MTHFS: variants seen among roughly 807,000 people sequenced by gnomAD.
MTHFS encodes the protein methenyltetrahydrofolate synthetase.
In MTHFS, 7 loss-of-function variants were observed where a neutral mutation model predicts 12.7. That is an observed-to-expected ratio of 0.55 (90% confidence interval 0.31 to 1.03). MTHFS has a LOEUF of 1.03. Among genes scored for constraint, MTHFS ranks in the 50% least tolerant of loss-of-function variants. The pLI, the probability that MTHFS is intolerant of heterozygous loss-of-function variation, is 0.05. For synonymous variants in MTHFS, 100 were observed against 97.1 expected (o/e 1.03, Z -0.18); for missense variants, 252 against 258.1 (o/e 0.98, Z 0.16).
At chr15:79,886,294 C>T (rs2141374227) in intron 2 of MTHFS, among the ~76,000 whole-genome samples, 1 of 152,340 alleles carries the variant, frequency 6.6e-6, no homozygotes, top group African/African-American at 2.4e-5. Flanking sequence ...GAAGTTGTCA[C>T]ATTTTAAGTT....
intron 2 of MTHFS, among the ~76,000 whole-genome samples, chr15:79,858,832 T>C (rs886287444): frequency 1.3e-5 from 2 of 152,184 alleles, no homozygotes; most frequent in African/African-American, 2.4e-5. Context: ...CTTAAGAAAA[T>C]TGTGAAGAAA....
At chr15:79,851,144 C>T (rs1244202345) in intron 2 of MTHFS, among the ~76,000 whole-genome samples, 1 of 152,168 alleles carries the variant, frequency 6.6e-6, no homozygotes, top group Non-Finnish European at 1.5e-5. Context: ...GGGTTTTCTA[C>T]TCTTTTTGTT....
At chr15:79,856,061 A>G (rs2033796283) in intron 2 of MTHFS, among the ~76,000 whole-genome samples, 1 of 152,158 alleles carries the variant, frequency 6.6e-6, no homozygotes, top group African/African-American at 2.4e-5. Flanking sequence ...TCGAATGGTA[A>G]TTCTGTCTTT....
Position 79,896,940 on chromosome 15 carries a change from G to T in MTHFS, c.49C>A (p.Leu17Met). The T allele has an allele frequency of 6.5e-7, 1 of 1,539,114 alleles. No individual in the cohort carries two copies. ...CTCATCGCCCGCAGACGCTGCTTCA[G>T]CTCTCCCCGCAGGCTCCGCTTGGCG... The part of the protein sequence containing the change: ...SSAKRSLRGE[L>M]KQRLRAMSAE... The change falls in exon 1 of 3, where the codon CTG becomes ATG. Residue 17 changes from leucine to methionine, a missense_variant. Leu to Met is a conservative substitution (Grantham distance 15, BLOSUM62 2). Transcript: ENST00000258874.
intron 2 of MTHFS, among the ~76,000 whole-genome samples, chr15:79,866,046 G>A: frequency 6.8e-6 from 1 of 146,364 alleles, no homozygotes; most frequent in African/African-American, 2.5e-5. Context: ...AATTTTATAA[G>A]TTTTTTTTTT....
At chr15:79,860,046 T>C (rs914414533) in intron 2 of MTHFS, among the ~76,000 whole-genome samples, 3 of 152,076 alleles carry the variant, frequency 2.0e-5, no homozygotes, top group East Asian at 1.9e-4. Context: ...TTTTAAAACA[T>C]CTGTATCCTC....
chr15:79,873,905 AG>A (rs2034146668), intron 2 of MTHFS, among the ~76,000 whole-genome samples: 1 of 152,242 alleles, frequency 6.6e-6, no homozygotes, highest in Non-Finnish European at 1.5e-5. Context: ...CTAAAATAAG[AG>A]GTCCATAGAA....
intron 2 of MTHFS, among the ~76,000 whole-genome samples, chr15:79,878,415 T>C (rs1215371547): frequency 6.6e-6 from 1 of 150,988 alleles, no homozygotes; most frequent in Non-Finnish European, 1.5e-5. Flanking sequence ...AAAGCAAGGA[T>C]ACAGAGGCAA....
rs115749804 is a variant in MTHFS at position 79,854,878 on chromosome 15, A to G, written c.380-9436T>C. On this transcript the variant is annotated intron_variant, in intron 2 of 2. Coordinates refer to ENST00000258874, the MANE Select transcript of MTHFS (RefSeq NM_006441.4). Reference sequence around the variant, plus strand: ...ATCACCATCACCATAAACAACTACAATTGTATATGAAAGAAGCAAGCTAGG... The same window carrying G: ...ATCACCATCACCATAAACAACTACAGTTGTATATGAAAGAAGCAAGCTAGG... Among the ~76,000 whole-genome samples, 519 of 152,316 alleles carry G rather than the reference A, an allele frequency of 3.4e-3. 2 individuals carry two copies. Among genetic ancestry groups the G allele is most frequent in the African/African-American group, 0.012 (502 of 41,574 alleles).
At chr15:79,889,912 C>T (rs1160710869) in intron 1 of MTHFS, among the ~76,000 whole-genome samples, 1 of 152,124 alleles carries the variant, frequency 6.6e-6, no homozygotes, top group Non-Finnish European at 1.5e-5. Context: ...GAGTGGGTCA[C>T]TAATTGTTTC....
At chr15:79,889,486 C>A in intron 1 of MTHFS, 132 bp from the exon 2 acceptor site, 1 of 1,347,884 alleles carries the variant, frequency 7.4e-7, no homozygotes, top group Non-Finnish European at 9.8e-7. Flanking sequence ...GGGGGGGGAC[C>A]AGAGTGATAT....
At chr15:79,884,614 A>G (rs545793793) in intron 2 of MTHFS, among the ~76,000 whole-genome samples, 1 of 152,244 alleles carries the variant, frequency 6.6e-6, no homozygotes, top group Non-Finnish European at 1.5e-5. Flanking sequence ...AAAACATTAC[A>G]AAGAAAAACC....
intron 1 of MTHFS, chr15:79,896,643 T>A (rs2034574965): frequency 6.7e-6 from 5 of 747,550 alleles, no homozygotes; most frequent in Non-Finnish European, 1.0e-5. Context: ...CTCTCGCTCT[T>A]TAGCCCCACA....
Position 79,849,402 on chromosome 15 carries a change from C to A in MTHFS, c.380-3960G>T, listed in dbSNP as rs1169589751. On this transcript the variant is annotated intron_variant, in intron 2 of 2. Coordinates refer to ENST00000258874, the MANE Select transcript of MTHFS (RefSeq NM_006441.4). ...ATGCATCACCCACCCCACACACACC[C>A]CTGGGGCTCCTCACACTTTGGGAAC... Among the ~76,000 whole-genome samples the A allele has an allele frequency of 5.3e-5, 8 of 152,152 alleles. No individual in the cohort carries two copies. In the South Asian group the frequency reaches 1.0e-3, roughly 20 times the overall value.
chr15:79,871,295 A>G (rs573361032), intron 2 of MTHFS, among the ~76,000 whole-genome samples: 2 of 152,320 alleles, frequency 1.3e-5, no homozygotes, highest in East Asian at 3.9e-4. Flanking sequence ...ATGAAGTACT[A>G]GAGGGAAAAA....
At chr15:79,878,566 G>A (rs1212313016) in intron 2 of MTHFS, among the ~76,000 whole-genome samples, 2 of 149,572 alleles carry the variant, frequency 1.3e-5, no homozygotes, top group Admixed American at 1.3e-4. Context: ...TGGTGCCCAG[G>A]TGGCCGTATC....
chr15:79,885,941 C>A (rs12438477), intron 2 of MTHFS, among the ~76,000 whole-genome samples: 63,963 of 152,084 alleles, frequency 0.42, 13,815 homozygotes, highest in East Asian at 0.54. Context: ...TGCTTAAGCC[C>A]GGTTGAATCA....
chr15:79,871,633 A>T (rs2034107650), intron 2 of MTHFS, among the ~76,000 whole-genome samples: 1 of 152,016 alleles, frequency 6.6e-6, no homozygotes, highest in Non-Finnish European at 1.5e-5. Flanking sequence ...TAAAAAAATT[A>T]TACAAATATT....
chr15:79,870,302 T>A (rs28626203), intron 2 of MTHFS, among the ~76,000 whole-genome samples: 6,241 of 152,278 alleles, frequency 0.041, 353 homozygotes, highest in East Asian at 0.26. Context: ...TGGAACACTG[T>A]CTGTTTTGGT....
Sources: gnomAD v4.1 joint callset for allele counts (sites outside exome capture counted in the v4.1 genomes callset) on GRCh38, gnomAD v4.1.1 for gene constraint, MANE v1.5 for transcripts, NCBI Gene and HGNC (gene_info 2026-07-23, HGNC 2026-07-21) for gene names.